Variants in PHTF1 observed in about 807,000 individuals in gnomAD.
PHTF1 encodes putative homeodomain transcription factor 1.
PHTF1 carries 88 observed loss-of-function variants against 102.4 expected under a neutral mutation model. The ratio of observed to expected loss-of-function variants is 0.86; its 90% confidence interval spans 0.72 to 1.03. The LOEUF (loss-of-function observed/expected upper bound fraction) is 1.03. Among genes scored for constraint, PHTF1 ranks in the 50% least tolerant of loss-of-function variants. The pLI is 0.00. For synonymous variants in PHTF1, 289 were observed against 305.2 expected, an observed-to-expected ratio of 0.95 and a Z score of 0.55; for missense variants, 814 against 909.5, an observed-to-expected ratio of 0.89 and a Z score of 1.35.
chr1:113,734,545 T>A (rs1655187598), intron 5 of PHTF1, among the ~76,000 whole-genome samples: 1 of 152,234 alleles, frequency 6.6e-6, no homozygotes, highest in African/African-American at 2.4e-5. Context: ...TGAAATTGCA[T>A]ATTTAGCTGG....
At chr1:113,702,284 A>G (rs1216280499) in intron 15 of PHTF1, among the ~76,000 whole-genome samples, 1 of 152,160 alleles carries the variant, frequency 6.6e-6, no homozygotes, top group African/African-American at 2.4e-5. Flanking sequence ...AGTTAATAGG[A>G]TTAGGTGGAA....
chr1:113,709,210 T>C, intron 11 of PHTF1, among the ~76,000 whole-genome samples: 1 of 152,204 alleles, frequency 6.6e-6, no homozygotes, highest in Non-Finnish European at 1.5e-5. Context: ...CACTCCAGCC[T>C]GGGCAACAGA....
upstream of PHTF1, among the ~76,000 whole-genome samples, chr1:113,759,852 T>C (rs1445888199): frequency 5.9e-5 from 9 of 152,230 alleles, no homozygotes; most frequent in Admixed American, 5.9e-4. Context: ...GGTCAGAGAC[T>C]GGGGCCTGGC....
chr1:113,742,393 G>A (rs186508497), intron 3 of PHTF1, among the ~76,000 whole-genome samples: 1 of 152,254 alleles, frequency 6.6e-6, no homozygotes, highest in African/African-American at 2.4e-5. Flanking sequence ...GAAGGCCAAG[G>A]CAGGAGGATC....
chr1:113,730,424 A>T (rs1654468136), intron 5 of PHTF1, among the ~76,000 whole-genome samples: 1 of 152,236 alleles, frequency 6.6e-6, no homozygotes, highest in Admixed American at 6.5e-5. Context: ...TCAGGAACAA[A>T]ACAAGGATGA....
chr1:113,705,384 T>C lies in PHTF1; in HGVS notation c.1671+506A>G, dbSNP rs532073471. On this transcript the variant is annotated intron_variant, in intron 13 of 18. Coordinates refer to ENST00000369604, the MANE Select transcript of PHTF1 (RefSeq NM_001323043.2). ...GATCCTCAGGAGGTCAAGGCTGGAG[T>C]GAGCCGTGATCACACCACTACACTC... Among the ~76,000 whole-genome samples the C allele has an allele frequency of 2.6e-5, 4 of 152,156 alleles. No individual in the cohort carries two copies. In the South Asian group the frequency reaches 8.3e-4, roughly 32 times the overall value.
At chr1:113,752,430 C>T (rs28831807) in intron 3 of PHTF1, among the ~76,000 whole-genome samples, 2 of 109,420 alleles carry the variant, frequency 1.8e-5, no homozygotes, top group Admixed American at 1.3e-4. Flanking sequence ...GACGGAGTCT[C>T]GTTCTGTCGT....
Position 113,726,437 on chromosome 1 carries a change from T to C in PHTF1, c.469A>G (p.Asn157Asp). The change falls in exon 6 of 19, where the codon AAT (asparagine) becomes GAT (aspartate). Residue 157 changes from asparagine to aspartate, a missense_variant. By Grantham distance (23) the Asn-to-Asp change is conservative. Coordinates refer to ENST00000369604, the MANE Select transcript of PHTF1 (RefSeq NM_001323043.2). ...STQITRPSGN[N>D]GNRRRRKLRK... ...TCTTACCTTCTTCTTCGATTTCCAT[T>C]GTTTCCTGATGGTCTTGTTATCTGA... 2.5e-6 allele frequency: 4 copies of C among 1,608,034 alleles called. No individual in the cohort carries two copies. Among genetic ancestry groups the C allele is most frequent in the Non-Finnish European group, 2.5e-6 (3 of 1,177,616 alleles).
intron 7 of PHTF1, chr1:113,713,755 G>A (rs919920891): frequency 1.5e-5 from 4 of 259,684 alleles, no homozygotes; most frequent in Admixed American, 5.4e-5. Context: ...ACCTTATATC[G>A]TCTGTTATTG....
chr1:113,700,630 T>G (rs1002774713), intron 16 of PHTF1, among the ~76,000 whole-genome samples, 164 bp downstream of exon 16: 3 of 152,204 alleles, frequency 2.0e-5, no homozygotes, highest in Non-Finnish European at 4.4e-5. Flanking sequence ...TTACATCCAT[T>G]TTATTAGGGA....
Position 113,758,559 on chromosome 1 carries a change from T to A in PHTF1, c.45+100A>T, listed in dbSNP as rs191758900. 2.9e-5 allele frequency: 16 copies of A among 544,184 alleles called. No individual in the cohort carries two copies. In the Admixed American group the frequency reaches 3.8e-4, roughly 13 times the overall value. The allele number at this position is 544,184 out of a possible 1,614,324, so 33.7% of individuals were successfully genotyped here. ...TTATGTTGAAGTATACATGAACACC[T>A]GGCACTACTAAACTCGGGGGAAAGT... On this transcript the variant is annotated intron_variant, in intron 2 of 18. Coordinates refer to ENST00000369604, the MANE Select transcript of PHTF1 (RefSeq NM_001323043.2).
intron 3 of PHTF1, among the ~76,000 whole-genome samples, chr1:113,748,507 T>C (rs1049577826): frequency 3.3e-5 from 5 of 152,088 alleles, no homozygotes; most frequent in African/African-American, 7.2e-5. Context: ...TTCTAACTTT[T>C]CCACTGAATT....
chr1:113,748,329 C>A (rs1157257164), intron 3 of PHTF1, among the ~76,000 whole-genome samples: 1 of 152,040 alleles, frequency 6.6e-6, no homozygotes, highest in Non-Finnish European at 1.5e-5. Flanking sequence ...ATTTCTGGGG[C>A]AATTTTTAAA....
At chr1:113,752,794 T>A (rs1449512025) in intron 3 of PHTF1, among the ~76,000 whole-genome samples, 2 of 152,224 alleles carry the variant, frequency 1.3e-5, no homozygotes, top group African/African-American at 4.8e-5. Flanking sequence ...TCATCTCTTT[T>A]CCTTTGCTTA....
intron 3 of PHTF1, among the ~76,000 whole-genome samples, chr1:113,742,024 T>C (rs535043434): frequency 3.3e-5 from 5 of 152,316 alleles, no homozygotes; most frequent in Admixed American, 2.6e-4. Context: ...CGTGCATGTA[T>C]GTGTAACAAG....
intron 5 of PHTF1, among the ~76,000 whole-genome samples, chr1:113,729,890 G>A (rs755544399): frequency 1.1e-4 from 16 of 152,044 alleles, no homozygotes; most frequent in African/African-American, 3.4e-4. Flanking sequence ...CCAAAGCTTC[G>A]GGGAGCTTCC....
At chr1:113,713,238 A>G in intron 8 of PHTF1, 41 bp downstream of exon 8, 1 of 1,561,338 alleles carries the variant, frequency 6.4e-7, no homozygotes, top group Middle Eastern at 1.7e-4. Flanking sequence ...AAAATGTTAC[A>G]TGGGGAAAAA....
intron 7 of PHTF1, among the ~76,000 whole-genome samples, chr1:113,715,811 C>G (rs1206781984): frequency 1.4e-5 from 2 of 146,484 alleles, no homozygotes; most frequent in Non-Finnish European, 3.0e-5. Flanking sequence ...CTGAAAAATG[C>G]AACTGACATA....
At chr1:113,701,614 C>T (rs1649447400) in intron 15 of PHTF1, among the ~76,000 whole-genome samples, 3 of 151,924 alleles carry the variant, frequency 2.0e-5, no homozygotes, top group Admixed American at 6.6e-5. Flanking sequence ...CCCAGGGCTA[C>T]GTAGGCTCCC....
Sources: gnomAD v4.1 joint callset for allele counts (sites outside exome capture counted in the v4.1 genomes callset) on GRCh38, gnomAD v4.1.1 for gene constraint, MANE v1.5 for transcripts, NCBI Gene and HGNC (gene_info 2026-07-23, HGNC 2026-07-21) for gene names.